The following MARVELD2 variants were observed in gnomAD, a reference collection of about 807,000 sequenced individuals.
MARVELD2 encodes MARVEL domain-containing protein 2.
In MARVELD2, 49 loss-of-function variants were observed where a neutral mutation model predicts 57.6. The ratio of observed to expected loss-of-function variants is 0.85; its 90% CI spans 0.68 to 1.08. The LOEUF is 1.08. Ranked by LOEUF, MARVELD2 falls within the 50% of genes least tolerant of loss-of-function variation. The probability of loss-of-function intolerance (pLI) is 0.00; values close to 1 mark genes in which losing one functional copy is unlikely to be tolerated. For missense variants in MARVELD2, 606 were observed against 701.1 expected (o/e 0.86, Z 1.53); for synonymous variants, 238 against 258.8 (o/e 0.92, Z 0.77).
chr5:69,441,144 T>C (rs370563117), intron 6 of MARVELD2, among the ~76,000 whole-genome samples: 4 of 152,142 alleles, frequency 2.6e-5, no homozygotes, highest in Non-Finnish European at 4.4e-5. Flanking sequence ...TCTATACTTA[T>C]TACTTTTTCT....
chr5:69,417,871 G>A (rs1428117323), intron 1 of MARVELD2, among the ~76,000 whole-genome samples: 18 of 151,430 alleles, frequency 1.2e-4, no homozygotes, highest in South Asian at 4.2e-4. Context: ...CCTGGGAGGC[G>A]GAGCTTGCAG....
intron 3 of MARVELD2, 53 bp downstream of exon 3, chr5:69,424,689 C>G: frequency 7.2e-7 from 1 of 1,390,044 alleles, no homozygotes; most frequent in Non-Finnish European, 1.0e-6. Flanking sequence ...ATACTTTTCT[C>G]TTAGGTCTGT....
chr5:69,436,285 C>T (rs1441278279), intron 5 of MARVELD2, among the ~76,000 whole-genome samples: 3 of 151,656 alleles, frequency 2.0e-5, no homozygotes, highest in African/African-American at 7.3e-5. Flanking sequence ...CGTGTGAACC[C>T]GGGAGGCGGA....
intron 3 of MARVELD2, among the ~76,000 whole-genome samples, chr5:69,425,798 G>A (rs1445455442): frequency 4.0e-5 from 6 of 149,526 alleles, no homozygotes; most frequent in Admixed American, 4.0e-4. Context: ...GCGCTATCTC[G>A]GCTCACTGCA....
chr5:69,424,885 C>T (rs959978282), intron 3 of MARVELD2, among the ~76,000 whole-genome samples: 1 of 151,920 alleles, frequency 6.6e-6, no homozygotes, highest in East Asian at 1.9e-4. Context: ...ATTACCTGCA[C>T]GTGGTGGCAC....
chr5:69,433,369 T>C (rs1446752900), intron 5 of MARVELD2, among the ~76,000 whole-genome samples: 1 of 151,948 alleles, frequency 6.6e-6, no homozygotes, highest in Non-Finnish European at 1.5e-5. Context: ...TTTGCCATGT[T>C]GGCCAAGAGT....
chr5:69,426,061 G>A (rs1017885929), intron 3 of MARVELD2, among the ~76,000 whole-genome samples: 1 of 151,556 alleles, frequency 6.6e-6, no homozygotes, highest in Non-Finnish European at 1.5e-5. Flanking sequence ...TTTTTTTAAA[G>A]ATGCCAAATT....
chr5:69,418,494 C>T (rs1405605929), intron 1 of MARVELD2, among the ~76,000 whole-genome samples: 7 of 152,170 alleles, frequency 4.6e-5, no homozygotes, highest in Admixed American at 2.6e-4. Context: ...GAATTGCCCT[C>T]GAAAGAGTAA....
chr5:69,439,309 C>G (rs1223732296), intron 5 of MARVELD2, among the ~76,000 whole-genome samples: 1 of 151,638 alleles, frequency 6.6e-6, no homozygotes, highest in South Asian at 2.1e-4. Context: ...TACAGGTGCC[C>G]GCCACCATGC....
chr5:69,419,432 A>G lies in MARVELD2; in HGVS notation c.47A>G (p.Glu16Gly). Residue 16 changes from glutamate (E) to glycine (G), a missense_variant, in exon 2 of 7, where the codon GAG (glutamate) becomes GGG (glycine). Physicochemically the swap from Glu to Gly is moderately conservative, Grantham distance 98. Transcript: ENST00000325631. ...RSRNRDRRYDEVPSDLPYQDT... is the reference protein window; with the variant it reads ...RSRNRDRRYDGVPSDLPYQDT... ...AGGAATCGGGACAGGCGCTACGATG[A>G]GGTCCCAAGCGACCTGCCCTATCAA... The G allele has an allele frequency of 6.2e-7, 1 of 1,614,202 alleles. No individual in the cohort carries two copies. The highest frequency in any genetic ancestry group is 1.1e-5 in the South Asian group (1 of 91,078).
intron 5 of MARVELD2, among the ~76,000 whole-genome samples, chr5:69,439,079 A>AAAG (rs1307657940): frequency 6.6e-6 from 1 of 150,446 alleles, no homozygotes. Flanking sequence ...AAAAAAAAAA[A>AAAG]AAGAAGAAGA....
chr5:69,435,596 G>A (rs1163329067), intron 5 of MARVELD2, among the ~76,000 whole-genome samples: 1 of 151,154 alleles, frequency 6.6e-6, no homozygotes, highest in African/African-American at 2.4e-5. Context: ...TCTACTAAAA[G>A]TACAAAAATT....
intron 3 of MARVELD2, among the ~76,000 whole-genome samples, chr5:69,430,524 G>T (rs1237041722): frequency 6.6e-6 from 1 of 151,514 alleles, no homozygotes; most frequent in Non-Finnish European, 1.5e-5. Flanking sequence ...CCTAGTTCTG[G>T]GTTTTATTTA....
At chr5:69,437,273 C>T (rs945023923) in intron 5 of MARVELD2, among the ~76,000 whole-genome samples, 4 of 150,456 alleles carry the variant, frequency 2.7e-5, no homozygotes, top group South Asian at 2.1e-4. Flanking sequence ...CCCAGCTACT[C>T]GGGAAGTCTG....
At chr5:69,435,552 G>A (rs1225668878) in intron 5 of MARVELD2, among the ~76,000 whole-genome samples, 1 of 151,208 alleles carries the variant, frequency 6.6e-6, no homozygotes, top group Non-Finnish European at 1.5e-5. Context: ...TCAGGAATTC[G>A]AGACCAGCCT....
chr5:69,426,822 A>G (rs1257354632), intron 3 of MARVELD2, among the ~76,000 whole-genome samples: 1 of 152,064 alleles, frequency 6.6e-6, no homozygotes, highest in Non-Finnish European at 1.5e-5. Flanking sequence ...GGCATGCACC[A>G]CCATGCCAGT....
intron 2 of MARVELD2, 78 bp downstream of exon 2, chr5:69,420,609 T>C (rs568897476): frequency 4.8e-5 from 66 of 1,377,422 alleles, no homozygotes; most frequent in Non-Finnish European, 6.4e-5. Context: ...AAAAAATGTA[T>C]AGCGCTCAAA....
chr5:69,422,801 G>A (rs1256942994), intron 2 of MARVELD2, among the ~76,000 whole-genome samples: 2 of 152,040 alleles, frequency 1.3e-5, no homozygotes, highest in African/African-American at 4.8e-5. Context: ...GACATGTGAT[G>A]TCTCCCCTGC....
intron 5 of MARVELD2, among the ~76,000 whole-genome samples, chr5:69,436,806 T>C (rs1271305599): frequency 6.6e-6 from 1 of 151,820 alleles, no homozygotes; most frequent in East Asian, 1.9e-4. Flanking sequence ...TGCAGGCTTG[T>C]TGGGAGAAAT....
Sources: allele counts gnomAD v4.1 joint callset (sites outside exome capture counted in the v4.1 genomes callset), GRCh38; gene constraint gnomAD v4.1.1; transcripts MANE v1.5; gene names NCBI Gene and HGNC (gene_info 2026-07-23, HGNC 2026-07-21).